SLC60A2: variants seen among roughly 807,000 people sequenced by gnomAD.
SLC60A2 encodes the protein solute carrier family 60 member 2.
At chr6:111,263,621 G>A in the SLC60A2 span, among the ~76,000 whole-genome samples, 1 of 152,086 alleles carries the variant, frequency 6.6e-6, no homozygotes, top group Non-Finnish European at 1.5e-5. Context: ...TGCTTTAAAT[G>A]TATTTGTGTT....
the SLC60A2 span, chr6:111,269,796 T>G: frequency 1.3e-5 from 2 of 152,198 alleles, no homozygotes; most frequent in Non-Finnish European, 2.9e-5. Context: ...CATAGGGCAT[T>G]GTTAAAGTTC....
the SLC60A2 span, chr6:111,265,371 A>G: frequency 2.0e-6 from 2 of 985,228 alleles, no homozygotes; most frequent in Non-Finnish European, 2.4e-6. Flanking sequence ...GTTTCCTCTA[A>G]TGGGCATACC....
chr6:111,279,904 C>T, the SLC60A2 span, among the ~76,000 whole-genome samples: 1 of 152,236 alleles, frequency 6.6e-6, no homozygotes, highest in South Asian at 2.1e-4. Flanking sequence ...CACACCACTG[C>T]ATGAGTGAGA....
chr6:111,278,839 AT>A, the SLC60A2 span: 1 of 152,180 alleles, frequency 6.6e-6, no homozygotes, highest in African/African-American at 2.4e-5. Context: ...GGAAAGTGAC[AT>A]TTTGCTTCTA....
chr6:111,266,392 C>T, the SLC60A2 span: 2 of 1,614,198 alleles, frequency 1.2e-6, no homozygotes, highest in Admixed American at 3.3e-5. Flanking sequence ...TTCTGGGGGA[C>T]ATTTGCAGCC....
At chr6:111,262,379 G>T in the SLC60A2 span, 1 of 1,613,932 alleles carries the variant, frequency 6.2e-7, no homozygotes, top group Non-Finnish European at 8.5e-7. Context: ...GTGGCTCTGT[G>T]ATTGGTGGAT....
chr6:111,261,950 C>T, the SLC60A2 span, among the ~76,000 whole-genome samples: 8 of 151,742 alleles, frequency 5.3e-5, no homozygotes, highest in African/African-American at 1.5e-4. Context: ...TCAAAATGTA[C>T]GAAACCATTT....
the SLC60A2 span, chr6:111,266,937 A>T: frequency 6.2e-7 from 1 of 1,614,120 alleles, no homozygotes; most frequent in African/African-American, 1.3e-5. Context: ...AATGATTGAA[A>T]CGAATGATAC....
At chr6:111,262,238 TTG>T in the SLC60A2 span, 4 of 1,600,652 alleles carry the variant, frequency 2.5e-6, no homozygotes, top group Non-Finnish European at 3.4e-6. Flanking sequence ...GTAAAAACTT[TTG>T]TCTTTTTAAA....
the SLC60A2 span, among the ~76,000 whole-genome samples, chr6:111,272,545 C>G: frequency 7.6e-6 from 1 of 132,226 alleles, no homozygotes; most frequent in Admixed American, 8.3e-5. Flanking sequence ...AAGTTTCACT[C>G]TTGTTGCCCA....
At chr6:111,266,656 G>T in the SLC60A2 span, 3 of 1,614,160 alleles carry the variant, frequency 1.9e-6, no homozygotes, top group Non-Finnish European at 2.5e-6. Context: ...GCTTCCCTGG[G>T]AGAAATGGCT....
At chr6:111,277,352 A>G in the SLC60A2 span, among the ~76,000 whole-genome samples, 2 of 152,304 alleles carry the variant, frequency 1.3e-5, no homozygotes, top group African/African-American at 4.8e-5. Context: ...ATTTTTACCA[A>G]GAAAGAAAGC....
At chr6:111,277,183 C>T in the SLC60A2 span, among the ~76,000 whole-genome samples, 1 of 152,186 alleles carries the variant, frequency 6.6e-6, no homozygotes, top group Non-Finnish European at 1.5e-5. Context: ...AAGTGCTAGG[C>T]TTCATAAATA....
chr6:111,272,250 G>A, the SLC60A2 span, among the ~76,000 whole-genome samples: 1 of 151,636 alleles, frequency 6.6e-6, no homozygotes, highest in African/African-American at 2.4e-5. Flanking sequence ...TGATCCACCT[G>A]TCTAGGCCTC....
the SLC60A2 span, among the ~76,000 whole-genome samples, chr6:111,279,845 C>T: frequency 3.3e-5 from 5 of 151,970 alleles, no homozygotes; most frequent in African/African-American, 9.7e-5. Context: ...GAGGCCAAGG[C>T]GGGAGGATAC....
chr6:111,260,281 C>G, the SLC60A2 span, among the ~76,000 whole-genome samples: 212 of 152,334 alleles, frequency 1.4e-3, 1 homozygote, highest in African/African-American at 4.9e-3. Context: ...TCTTTGGCCG[C>G]TGCTCTCCGC....
chr6:111,274,969 A>G, the SLC60A2 span, among the ~76,000 whole-genome samples: 3 of 151,964 alleles, frequency 2.0e-5, no homozygotes, highest in African/African-American at 7.3e-5. Context: ...ATTGCCCATC[A>G]TGGAGTGCAG....
the SLC60A2 span, among the ~76,000 whole-genome samples, chr6:111,263,041 G>A: frequency 7.5e-3 from 1,138 of 152,050 alleles, 17 homozygotes; most frequent in African/African-American, 0.026. Context: ...GGGCTCAAGC[G>A]ATCCTCCCAT....
the SLC60A2 span, chr6:111,278,222 C>T: frequency 1.1e-4 from 16 of 152,182 alleles, no homozygotes; most frequent in South Asian, 2.1e-4. Context: ...AGACTGTTCA[C>T]GGTGAAAAAC....
Sources: allele counts gnomAD v4.1 joint callset (sites outside exome capture counted in the v4.1 genomes callset), GRCh38; gene constraint gnomAD v4.1.1; transcripts MANE v1.5; gene names NCBI Gene and HGNC (gene_info 2026-07-23, HGNC 2026-07-21).